Variants in KDM4C observed in about 807,000 individuals in gnomAD.
KDM4C encodes lysine demethylase 4C, also known as lysine-specific demethylase 4C.
Under a neutral mutation model 129.3 loss-of-function variants are expected in KDM4C, and 81 were observed. The observed-to-expected ratio is 0.63, with a 90% CI of 0.52 to 0.75. The LOEUF (loss-of-function observed/expected upper bound fraction) is 0.75, where lower values mean the gene tolerates loss of function less well. Among genes scored for constraint, KDM4C ranks in the 30% least tolerant of loss-of-function variants. KDM4C has a pLI of 0.00. For missense variants in KDM4C, 1,457 were observed against 1,304.0 expected, an observed-to-expected ratio of 1.12 and a Z score of -1.81; for synonymous variants, 573 against 456.1, an observed-to-expected ratio of 1.26 and a Z score of -3.26.
intron 3 of KDM4C, among the ~76,000 whole-genome samples, chr9:6,812,544 A>T (rs1223079004): frequency 6.6e-6 from 1 of 152,136 alleles, no homozygotes; most frequent in Non-Finnish European, 1.5e-5. Context: ...AGGAGTGTGC[A>T]ACCTAGACCC....
At chr9:6,977,884 C>T (rs1343674567) in intron 8 of KDM4C, among the ~76,000 whole-genome samples, 3 of 152,082 alleles carry the variant, frequency 2.0e-5, no homozygotes, top group Admixed American at 6.5e-5. Context: ...TTCCCCTTGA[C>T]CCTTAAGACC....
At chr9:6,986,226 C>A in intron 10 of KDM4C, 118 bp from the exon 11 acceptor site, 1 of 644,972 alleles carries the variant, frequency 1.6e-6, no homozygotes, top group Non-Finnish European at 2.6e-6. Flanking sequence ...CATGTATGTG[C>A]ATGCGCATGC....
rs965776649 is a variant in KDM4C at position 6,737,936 on chromosome 9, G to A, written c.49+16939G>A. ...TGGATCACCTGAGTTCAGGAGTTCG[G>A]AGCCTGGCTAACGTGGCAAAACCCC... is the stretch of plus-strand genomic sequence containing the variant. On this transcript the variant is annotated intron_variant, in intron 1 of 17. Coordinates refer to the KDM4C transcript ENST00000536108. Among the ~76,000 whole-genome samples the A allele has an allele frequency of 4.8e-5, 7 of 145,202 alleles. No homozygotes were observed. In the South Asian group the frequency reaches 1.5e-3, roughly 32 times the overall value.
At chr9:6,740,405 G>C (rs180690707) in intron 1 of KDM4C, among the ~76,000 whole-genome samples, 82 of 151,642 alleles carry the variant, frequency 5.4e-4, no homozygotes, top group African/African-American at 1.9e-3. Context: ...GGGTTTCACC[G>C]TGTTAGCCAG....
chr9:6,772,928 G>A (rs1020365505), intron 1 of KDM4C, among the ~76,000 whole-genome samples: 5 of 144,210 alleles, frequency 3.5e-5, no homozygotes, highest in South Asian at 4.5e-4. Flanking sequence ...ACTCTTGACC[G>A]CAGGTGATCC....
At position 6,984,327 on chromosome 9, in the gene KDM4C, A is replaced by T; in HGVS notation, c.1277A>T (p.Glu426Val). 1 of 1,614,096 alleles carries T rather than the reference A, an allele frequency of 6.2e-7. No homozygotes were observed. Among genetic ancestry groups the T allele is most frequent in the Non-Finnish European group, 8.5e-7 (1 of 1,179,946 alleles). Residue 426 changes from glutamate (E) to valine (V), a missense_variant, in exon 10 of 22, where the codon GAA (glutamate) becomes GTA (valine). Physicochemically the swap from Glu to Val is moderately radical, Grantham distance 121. Coordinates refer to ENST00000381309, the MANE Select transcript of KDM4C (RefSeq NM_015061.6). ...SEAAVKLRNT[E>V]ASSEEESSAS... ...GCAGCAGTGAAGCTGAGGAACACAG[A>T]AGCATCTTCAGAAGAAGAGTCATCT...
chr9:6,856,086 T>A (rs566408794), intron 5 of KDM4C, among the ~76,000 whole-genome samples: 1 of 152,258 alleles, frequency 6.6e-6, no homozygotes, highest in East Asian at 1.9e-4. Context: ...GGCACAGCAT[T>A]TGGCATGAGC....
At chr9:6,821,942 CTT>C (rs770568960) in intron 4 of KDM4C, among the ~76,000 whole-genome samples, 5 of 152,112 alleles carry the variant, frequency 3.3e-5, no homozygotes, top group Non-Finnish European at 7.4e-5. Flanking sequence ...GCTGGCCCCT[CTT>C]TTATTCTGCT....
intron 17 of KDM4C, chr9:7,076,996 A>T (rs937740348): frequency 1.0e-6 from 1 of 985,568 alleles, no homozygotes; most frequent in Non-Finnish European, 1.2e-6. Context: ...AATCCACTCT[A>T]TGTCTGTCAG....
chr9:7,012,685 C>T (rs118037387), intron 13 of KDM4C, among the ~76,000 whole-genome samples: 1,999 of 152,202 alleles, frequency 0.013, 22 homozygotes, highest in East Asian at 0.028. Context: ...ACTGATAGCA[C>T]CTCAGCTAAT....
intron 1 of KDM4C, among the ~76,000 whole-genome samples, chr9:6,790,151 G>C (rs945795787): frequency 6.7e-6 from 1 of 149,938 alleles, no homozygotes; most frequent in Non-Finnish European, 1.5e-5. Context: ...TGATCCGCTC[G>C]CCTTGGCCTC....
At chr9:6,984,458 AGATGTCTTAAATG>A in intron 10 of KDM4C, 54 bp downstream of exon 10, 3 of 1,156,464 alleles carry the variant, frequency 2.6e-6, no homozygotes, top group Non-Finnish European at 2.6e-6. Flanking sequence ...GTTGATGATC[AGATGTCTTAAATG>A]GATGTTCACT....
chr9:6,764,710 G>C (rs1820266749), intron 1 of KDM4C, among the ~76,000 whole-genome samples: 1 of 152,060 alleles, frequency 6.6e-6, no homozygotes, highest in Admixed American at 6.6e-5. Context: ...GATTCTTCTG[G>C]GTTTATATTG....
intron 18 of KDM4C, among the ~76,000 whole-genome samples, chr9:7,122,267 T>A (rs188122150): frequency 0.16 from 18,992 of 115,642 alleles, 1,479 homozygotes; most frequent in South Asian, 0.21. Context: ...ACACACACAC[T>A]CTCTCTCTCT....
chr9:6,732,918 C>A (rs62566480), intron 1 of KDM4C, among the ~76,000 whole-genome samples: 1 of 152,142 alleles, frequency 6.6e-6, no homozygotes, highest in Non-Finnish European at 1.5e-5. Flanking sequence ...GAGGCTGAGG[C>A]AGGAGAATAG....
chr9:7,163,668 T>G (rs1844048831), intron 19 of KDM4C, among the ~76,000 whole-genome samples: 1 of 151,834 alleles, frequency 6.6e-6, no homozygotes, highest in African/African-American at 2.4e-5. Context: ...AGCTATACCT[T>G]CCAGTGTTCT....
chr9:6,735,449 A>G (rs1436523468), intron 1 of KDM4C, among the ~76,000 whole-genome samples: 2 of 152,194 alleles, frequency 1.3e-5, no homozygotes, highest in African/African-American at 4.8e-5. Context: ...TGTAACTCCC[A>G]TAATTCCCAC....
intron 6 of KDM4C, among the ~76,000 whole-genome samples, chr9:6,886,293 A>C (rs551168137): frequency 6.6e-6 from 1 of 150,600 alleles, no homozygotes; most frequent in Admixed American, 6.6e-5. Flanking sequence ...AACATTTCTC[A>C]TGTTTTATTG....
chr9:7,108,762 A>T (rs1837989572), intron 18 of KDM4C, among the ~76,000 whole-genome samples: 1 of 152,200 alleles, frequency 6.6e-6, no homozygotes, highest in Admixed American at 6.5e-5. Flanking sequence ...AACAACAGTG[A>T]AACATTCTAG....
Sources: allele counts gnomAD v4.1 joint callset (sites outside exome capture counted in the v4.1 genomes callset), GRCh38; gene constraint gnomAD v4.1.1; transcripts MANE v1.5; gene names NCBI Gene and HGNC (gene_info 2026-07-23, HGNC 2026-07-21).